EIF4E1B: variants seen among roughly 807,000 people sequenced by gnomAD.
The protein encoded by EIF4E1B is eukaryotic translation initiation factor 4E type 1B.
A neutral mutation model predicts 31.3 loss-of-function variants in EIF4E1B; 22 were observed. The ratio of observed to expected loss-of-function variants is 0.70; its 90% confidence interval spans 0.50 to 1.00. EIF4E1B has a LOEUF of 1.00. EIF4E1B is among the 50% of genes least tolerant of loss of function. The pLI is 0.00. For synonymous variants in EIF4E1B, 126 were observed against 120.2 expected, an observed-to-expected ratio of 1.05 and a Z score of -0.31; for missense variants, 290 against 311.6, an observed-to-expected ratio of 0.93 and a Z score of 0.52.
chr5:176,632,897 T>G (rs1760429612), intron 1 of EIF4E1B, among the ~76,000 whole-genome samples: 1 of 151,780 alleles, frequency 6.6e-6, no homozygotes, highest in Non-Finnish European at 1.5e-5. Context: ...GACTGACAGG[T>G]GCAGCTCCAG....
intron 1 of EIF4E1B, among the ~76,000 whole-genome samples, chr5:176,634,172 T>A (rs1760456560): frequency 6.6e-6 from 1 of 151,746 alleles, no homozygotes; most frequent in South Asian, 2.1e-4. Context: ...GATGATGAGC[T>A]TGTCTGGGGG....
At chr5:176,642,970 G>A in intron 3 of EIF4E1B, 112 bp from the exon 4 acceptor site, 1 of 1,503,438 alleles carries the variant, frequency 6.7e-7, no homozygotes, top group East Asian at 2.5e-5. Context: ...GGCTACTGAA[G>A]GCCTTGTGAG....
At chr5:176,642,826 C>T (rs1409531506) in intron 3 of EIF4E1B, 24 bp downstream of exon 3, 4 of 1,534,354 alleles carry the variant, frequency 2.6e-6, no homozygotes, top group South Asian at 1.2e-5. Context: ...CCTCTCTACC[C>T]CCAGTGCACC....
intron 4 of EIF4E1B, 132 bp from the exon 5 acceptor site, chr5:176,643,507 G>A (rs1432495600): frequency 2.2e-6 from 2 of 923,650 alleles, no homozygotes; most frequent in Non-Finnish European, 3.3e-6. Flanking sequence ...CACCTGAGAG[G>A]GGAATGCTGT....
Position 176,643,548 on chromosome 5 carries a change from G to A in EIF4E1B, c.201-91G>A, listed in dbSNP as rs73332165. On this transcript the variant is annotated intron_variant, in intron 4 of 8. Coordinates refer to ENST00000318682, the MANE Select transcript of EIF4E1B (RefSeq NM_001099408.2). ...AAATCTCATCTCCCAGTTCGCCCTT[G>A]AAGGGGAGGGTCCTCCCTGTCAGTC... The A allele has an allele frequency of 4.2e-4, 544 of 1,288,924 alleles. 2 individuals carry two copies. In the African/African-American group the frequency reaches 6.5e-3, roughly 15 times the overall value. The allele number at this position is 1,288,924 out of a possible 1,614,324, so 79.8% of individuals were successfully genotyped here.
Position 176,645,511 on chromosome 5 carries a change from C to A in EIF4E1B, c.609C>A (p.His203Gln). 6.6e-7 allele frequency: 1 copy of A among 1,513,256 alleles called. No individual in the cohort carries two copies. The highest frequency in any genetic ancestry group is 8.8e-7 in the Non-Finnish European group (1 of 1,133,004). 93.7% of individuals were successfully genotyped at this position (1,513,256 alleles called of 1,614,324 possible). ...REAENQAGVLHVGRVYKERLG... is the reference protein window; with the variant it reads ...REAENQAGVLQVGRVYKERLG... ...CGGAAAACCAGGCGGGCGTGCTGCA[C>A]GTTGGGTGAGGAGGGTCTCTGGCAC... is the stretch of plus-strand genomic sequence containing the variant. Residue 203 changes from histidine (H) to glutamine (Q), a missense_variant, in exon 8 of 9, where the codon CAC (histidine) becomes CAA (glutamine). Physicochemically the swap from His to Gln is conservative, Grantham distance 24. Coordinates refer to ENST00000318682, the MANE Select transcript of EIF4E1B (RefSeq NM_001099408.2). The surrounding 1 kb of genome is among the most constrained non-coding windows in gnomAD (Gnocchi z 5.4).
intron 2 of EIF4E1B, 76 bp from the exon 3 acceptor site, chr5:176,642,634 T>A: frequency 7.8e-7 from 1 of 1,289,970 alleles, no homozygotes; most frequent in Non-Finnish European, 1.1e-6. Flanking sequence ...CACCTCACAT[T>A]CTGGGGTCAC....
At chr5:176,637,641 G>A (rs1156631417) in intron 1 of EIF4E1B, among the ~76,000 whole-genome samples, 1 of 152,152 alleles carries the variant, frequency 6.6e-6, no homozygotes, top group Admixed American at 6.5e-5. Context: ...GTTAGGAAGT[G>A]AGGGGACAGC....
At chr5:176,639,598 G>A (rs1760544124) in intron 1 of EIF4E1B, among the ~76,000 whole-genome samples, 1 of 152,092 alleles carries the variant, frequency 6.6e-6, no homozygotes, top group Admixed American at 6.6e-5. Context: ...ACTGGGGGGA[G>A]CCCTTCCTTC....
At chr5:176,644,033 G>A in intron 5 of EIF4E1B, 1 of 553,930 alleles carries the variant, frequency 1.8e-6, no homozygotes, top group South Asian at 2.4e-5. Flanking sequence ...TGCAAAGGGA[G>A]GACTCGGCTG....
chr5:176,634,979 G>A (rs1459731430), intron 1 of EIF4E1B, among the ~76,000 whole-genome samples: 1 of 152,058 alleles, frequency 6.6e-6, no homozygotes, highest in Non-Finnish European at 1.5e-5. Context: ...GATTCCTGAA[G>A]TTTTAACAAT....
At chr5:176,632,972 G>C (rs976354135) in intron 1 of EIF4E1B, among the ~76,000 whole-genome samples, 1 of 152,180 alleles carries the variant, frequency 6.6e-6, no homozygotes. Context: ...GGGGAGGGGT[G>C]TGTTCTGGTG....
chr5:176,641,097 T>C (rs1760568009), intron 1 of EIF4E1B, among the ~76,000 whole-genome samples: 1 of 152,114 alleles, frequency 6.6e-6, no homozygotes. Context: ...GGTGGGCAGA[T>C]TGCTTGAGTC....
rs1016009556 is a variant in EIF4E1B, at chr5:176,645,565, G to A, written c.614+49G>A. The A allele has an allele frequency of 6.7e-7, 1 of 1,487,092 alleles. No individual in the cohort carries two copies. Among genetic ancestry groups the A allele is most frequent in the Non-Finnish European group, 8.9e-7 (1 of 1,119,600 alleles). 92.1% of individuals were successfully genotyped at this position (1,487,092 alleles called of 1,614,324 possible). ...GTGGGGACTTGGGTCTCTGCTAGAG[G>A]GAAGGTGGGTGGAGGGGGCTTGGCC... On this transcript the variant is annotated intron_variant, in intron 8 of 8. Coordinates refer to ENST00000318682, the MANE Select transcript of EIF4E1B (RefSeq NM_001099408.2). The surrounding 1 kb of genome is among the most constrained non-coding windows in gnomAD (Gnocchi z 5.4).
rs1007741310 is a variant in EIF4E1B, at chr5:176,638,954, T to C, written c.-201-3089T>C. Among the ~76,000 whole-genome samples the C allele has an allele frequency of 2.6e-5, 4 of 152,090 alleles. No homozygotes were observed. The highest frequency in any genetic ancestry group is 5.9e-5 in the Non-Finnish European group (4 of 68,020). On this transcript the variant is annotated intron_variant, in intron 1 of 8. Transcript: ENST00000318682. The surrounding 1 kb of genome is among the most constrained non-coding windows in gnomAD (Gnocchi z 4.3). ...CATGCCCAACTAGTTTTGTTGCTGT[T>C]GTTGTTTGTTTGTTTGTTTTATTTT...
intron 1 of EIF4E1B, among the ~76,000 whole-genome samples, chr5:176,631,523 C>T (rs932711584): frequency 6.6e-6 from 1 of 151,982 alleles, no homozygotes; most frequent in African/African-American, 2.4e-5. Flanking sequence ...ACTATTTCAT[C>T]GAGCAGGCTA....
At chr5:176,641,970 CTA>C (rs1021823752) in intron 1 of EIF4E1B, 71 bp from the exon 2 acceptor site, 2 of 152,562 alleles carry the variant, frequency 1.3e-5, no homozygotes, top group African/African-American at 4.8e-5. Context: ...TCTACGGGTT[CTA>C]TGTGTTCTAT....
chr5:176,642,865 C>CCCCCGCCCG, intron 3 of EIF4E1B, 63 bp downstream of exon 3: 1 of 1,169,742 alleles, frequency 8.5e-7, no homozygotes, highest in Non-Finnish European at 1.1e-6. Context: ...CCCCCCCCCC[C>CCCCCGCCCG]GCCCCAGGTG....
Position 176,645,208 on chromosome 5 carries a change from C to A in EIF4E1B, c.439C>A (p.Arg147Ser), listed in dbSNP as rs867316543. The A allele has an allele frequency of 1.9e-6, 3 of 1,590,306 alleles. No individual in the cohort carries two copies. In the East Asian group the frequency reaches 6.9e-5, roughly 37 times the overall value. Reference protein sequence around the residue: ...RWLVSLAKQQRHIELDRLWLE... With the variant: ...RWLVSLAKQQSHIELDRLWLE... ...GCTGGTCAGCCTGGCCAAGCAGCAG[C>A]GCCACATTGAGCTGGACCGGCTGTG... is the stretch of plus-strand genomic sequence containing the variant. The change falls in exon 7 of 9, where the codon CGC (arginine) becomes AGC (serine). Residue 147 changes from arginine (R) to serine (S), a missense_variant. Transcript: ENST00000318682. The surrounding 1 kb of genome is among the most constrained non-coding windows in gnomAD (Gnocchi z 5.4).
Sources: gnomAD v4.1 joint callset for allele counts (sites outside exome capture counted in the v4.1 genomes callset) on GRCh38, gnomAD v4.1.1 for gene constraint, Gnocchi (gnomAD v3.1) non-coding constraint, MANE v1.5 for transcripts, NCBI Gene and HGNC (gene_info 2026-07-23, HGNC 2026-07-21) for gene names.